KNDC1: variants seen among roughly 807,000 people sequenced by gnomAD.
The protein encoded by KNDC1 is kinase non-catalytic C-lobe domain-containing protein 1.
KNDC1 carries 106 observed loss-of-function variants against 172.8 expected under a neutral mutation model. The ratio of observed to expected loss-of-function variants is 0.61; its 90% CI spans 0.52 to 0.72. The LOEUF (loss-of-function observed/expected upper bound fraction) is 0.72. KNDC1 is among the 30% of genes least tolerant of loss of function. The pLI is 0.00. For missense variants in KNDC1, 2,325 were observed against 2,394.5 expected (o/e 0.97, Z 0.61); for synonymous variants, 1,083 against 1,062.2 (o/e 1.02, Z -0.38).
At chr10:133,188,691 A>AC in intron 7 of KNDC1, 38 bp downstream of exon 7, 2 of 733,594 alleles carry the variant, frequency 2.7e-6, no homozygotes, top group East Asian at 1.4e-4. Context: ...CGCCGTCCCC[A>AC]CCCCCCACTG....
chr10:133,203,972 G>A (rs930063254), intron 17 of KNDC1, among the ~76,000 whole-genome samples: 2 of 152,328 alleles, frequency 1.3e-5, no homozygotes, highest in South Asian at 2.1e-4. Context: ...GCAGGCACCC[G>A]CCTCCAGGTT....
Position 133,198,955 on chromosome 10 carries a change from T to A in KNDC1, c.2447T>A (p.Leu816Gln), listed in dbSNP as rs1854281695. 2 of 1,549,974 alleles carry A rather than the reference T, an allele frequency of 1.3e-6. No homozygotes were observed. The highest frequency in any genetic ancestry group is 2.7e-5 in the African/African-American group (2 of 73,296). Residue 816 changes from leucine (L) to glutamine (Q), a missense_variant, in exon 14 of 30, where the codon CTG (leucine) becomes CAG (glutamine). Transcript: ENST00000304613. ...VASGGLRPDA[L>Q]GPTTAHHGPR... ...TCCGGGGGCCTCAGGCCCGACGCCC[T>A]GGGGCCCACCACGGCCCACCACGGC...
chr10:133,211,338 T>A, intron 21 of KNDC1, 84 bp from the exon 22 acceptor site: 1 of 1,329,234 alleles, frequency 7.5e-7, no homozygotes, highest in Non-Finnish European at 1.0e-6. Flanking sequence ...ACCCTGCCTC[T>A]CTGGGAGAGC....
intron 1 of KNDC1, among the ~76,000 whole-genome samples, chr10:133,161,179 C>G (rs1476305476): frequency 6.6e-6 from 1 of 152,186 alleles, no homozygotes; most frequent in African/African-American, 2.4e-5. Flanking sequence ...GCCACCTTGG[C>G]TGGGTCTGAC....
intron 26 of KNDC1, among the ~76,000 whole-genome samples, chr10:133,215,144 C>T (rs893209297): frequency 8.5e-5 from 13 of 152,314 alleles, no homozygotes; most frequent in African/African-American, 2.9e-4. Context: ...TAGACGCCCA[C>T]CCCCTCCTGG....
chr10:133,184,135 T>C (rs1388088399), intron 5 of KNDC1, 146 bp downstream of exon 5: 21 of 438,366 alleles, frequency 4.8e-5, no homozygotes, highest in African/African-American at 3.2e-4. Flanking sequence ...TGCACACACA[T>C]GCCACACACA....
chr10:133,198,760 A>C lies in KNDC1; in HGVS notation c.2252A>C (p.Gln751Pro), dbSNP rs773948215. 6 of 1,585,382 alleles carry C rather than the reference A, an allele frequency of 3.8e-6. No individual in the cohort carries two copies. In the Admixed American group the frequency reaches 8.8e-5, roughly 23 times the overall value. ...CCAGAGCCTCTTGGGGCGTCAGTGCAGCGTGACTCAGCCCAGGGCCGCCCC... is the reference window on the plus strand; with the variant it reads ...CCAGAGCCTCTTGGGGCGTCAGTGCCGCGTGACTCAGCCCAGGGCCGCCCC... ...AAPEPLGASV[Q>P]RDSAQGRPCP... The change falls in exon 14 of 30, where the codon CAG becomes CCG. Residue 751 changes from glutamine (Q) to proline (P), a missense_variant. Gln to Pro is a moderately conservative substitution (Grantham distance 76). Transcript: ENST00000304613.
At chr10:133,165,270 G>A (rs886962324) in intron 1 of KNDC1, among the ~76,000 whole-genome samples, 3 of 152,184 alleles carry the variant, frequency 2.0e-5, no homozygotes, top group Non-Finnish European at 4.4e-5. Context: ...CCAGGTGTCC[G>A]GCTTCCCTGA....
intron 9 of KNDC1, among the ~76,000 whole-genome samples, chr10:133,193,590 G>T (rs1292046271): frequency 6.6e-6 from 1 of 152,026 alleles, no homozygotes; most frequent in Non-Finnish European, 1.5e-5. Flanking sequence ...GAAGGAAAAA[G>T]GAGAAGGAAG....
intron 3 of KNDC1, among the ~76,000 whole-genome samples, chr10:133,181,902 C>A (rs1245903994): frequency 6.6e-6 from 1 of 151,444 alleles, no homozygotes; most frequent in East Asian, 1.9e-4. Flanking sequence ...CAGTTTATGC[C>A]CCAGAGAAGA....
At chr10:133,162,343 GCA>G (rs1163576582) in intron 1 of KNDC1, among the ~76,000 whole-genome samples, 1 of 152,184 alleles carries the variant, frequency 6.6e-6, no homozygotes, top group Non-Finnish European at 1.5e-5. Flanking sequence ...TGAGGTGAGG[GCA>G]CGGTGAGGTT....
intron 29 of KNDC1, among the ~76,000 whole-genome samples, chr10:133,221,842 GGT>G (rs1474133272): frequency 3.0e-4 from 34 of 115,110 alleles, no homozygotes; most frequent in African/African-American, 1.0e-3. Flanking sequence ...GGCCGGGCTG[GGT>G]GCAGCCACTC....
At position 133,211,406 on chromosome 10, in the gene KNDC1, T is replaced by A. The variant is rs755860448; in HGVS notation, c.3909-16T>A. On this transcript the variant is annotated splice_polypyrimidine_tract_variant and intron_variant, in intron 21 of 29. Transcript: ENST00000304613. ...TCCCACATCCTGGCAGCTCAGCAGC[T>A]CCCCTGCGTCTCCAGGGCCCACCAG... is the stretch of plus-strand genomic sequence containing the variant. The A allele has an allele frequency of 1.8e-5, 29 of 1,607,996 alleles. No individual in the cohort carries two copies. Among genetic ancestry groups the A allele is most frequent in the East Asian group, 1.6e-4 (7 of 44,782 alleles).
chr10:133,194,780 G>C (rs1436909183), intron 9 of KNDC1, among the ~76,000 whole-genome samples: 1 of 152,226 alleles, frequency 6.6e-6, no homozygotes, highest in South Asian at 2.1e-4. Context: ...GTCTTGTTCT[G>C]TTGACTCTCT....
chr10:133,221,033 G>C (rs1348589227), intron 29 of KNDC1, among the ~76,000 whole-genome samples: 3 of 152,056 alleles, frequency 2.0e-5, no homozygotes, highest in Non-Finnish European at 2.9e-5. Context: ...AGCATTTCCT[G>C]CACTTCTGCT....
intron 5 of KNDC1, among the ~76,000 whole-genome samples, chr10:133,185,443 GAATAGGCAGTGTGTGC>G (rs1853868704): frequency 7.0e-6 from 1 of 141,938 alleles, no homozygotes; most frequent in Admixed American, 7.0e-5. Flanking sequence ...GTGCAGTGTG[GAATAGGCAGTGTGTGC>G]AGTGTAGAGT....
In KNDC1 at chr10:133,196,856, G is replaced by A. The variant is rs138018167; in HGVS notation, c.1735-202G>A. On this transcript the variant is annotated intron_variant, in intron 10 of 29. Transcript: ENST00000304613. ...GGATTCTGCCCTCCCAGGGAGCCTGGGGGACAGTGGCCGACTGTGAGCCCT... is the reference window on the plus strand; with the variant it reads ...GGATTCTGCCCTCCCAGGGAGCCTGAGGGACAGTGGCCGACTGTGAGCCCT... Among the ~76,000 whole-genome samples, 274 of 152,286 alleles carry A rather than the reference G, an allele frequency of 1.8e-3. 1 individual carries two copies. The highest frequency in any genetic ancestry group is 6.2e-3 in the African/African-American group (258 of 41,544).
Position 133,210,662 on chromosome 10 carries a change from C to T in KNDC1, c.3846C>T (p.Tyr1282=). Residue 1282 remains tyrosine, a synonymous_variant, in exon 21 of 30, where the codon TAC becomes TAT. Coordinates refer to ENST00000304613, the MANE Select transcript of KNDC1 (RefSeq NM_152643.8). ...AGCAATTCCTCTACACCTTCCGCTA[C>T]TTCTGCACACCCCACGACTTCCTGC... is the stretch of plus-strand genomic sequence containing the variant. The part of the protein sequence containing the change: ...YVQQFLYTFR[Y]FCTPHDFLHF... The T allele has an allele frequency of 6.2e-7, 1 of 1,614,118 alleles. No homozygotes were observed. Among genetic ancestry groups the T allele is most frequent in the Non-Finnish European group, 8.5e-7 (1 of 1,179,984 alleles).
intron 3 of KNDC1, among the ~76,000 whole-genome samples, chr10:133,182,961 TGGGC>T (rs1853764436): frequency 6.9e-6 from 1 of 143,968 alleles, no homozygotes; most frequent in Non-Finnish European, 1.5e-5. Flanking sequence ...ACAGGCGGTG[TGGGC>T]ACAGGCGGTG....
Sources: gnomAD v4.1 joint callset for allele counts (sites outside exome capture counted in the v4.1 genomes callset) on GRCh38, gnomAD v4.1.1 for gene constraint, MANE v1.5 for transcripts, NCBI Gene and HGNC (gene_info 2026-07-23, HGNC 2026-07-21) for gene names.